ZNF678: variants seen among roughly 807,000 people sequenced by gnomAD.
ZNF678 encodes hypothetical protein MGC42493.
Under a neutral mutation model 3.0 loss-of-function variants are expected in ZNF678, and 5 were observed. The ratio of observed to expected loss-of-function variants is 1.69; its 90% CI spans 0.88 to 3.56. ZNF678 has a LOEUF of 3.56. ZNF678 is among the 30% of genes most tolerant of loss of function. The pLI, the probability that ZNF678 is intolerant of heterozygous loss-of-function variation, is 0.00. For missense variants in ZNF678, 593 were observed against 605.0 expected (o/e 0.98, Z 0.21); for synonymous variants, 218 against 199.6 (o/e 1.09, Z -0.78).
chr1:227,649,352 G>A (rs1475233413), intron 2 of ZNF678, among the ~76,000 whole-genome samples: 2 of 152,032 alleles, frequency 1.3e-5, no homozygotes, highest in African/African-American at 4.8e-5. Flanking sequence ...TTCACATTGT[G>A]TGCTGTGTTG....
chr1:227,649,464 C>T (rs1659039801), intron 2 of ZNF678, among the ~76,000 whole-genome samples: 1 of 152,164 alleles, frequency 6.6e-6, no homozygotes, highest in Non-Finnish European at 1.5e-5. Context: ...AATTCTCCTG[C>T]CTCAGCCTCC....
chr1:227,655,524 G>A lies in ZNF678; in HGVS notation c.1274G>A (p.Arg425Lys), dbSNP rs768848927. The A allele has an allele frequency of 6.2e-7, 1 of 1,612,602 alleles. No individual in the cohort carries two copies. Among genetic ancestry groups the A allele is most frequent in the Non-Finnish European group, 8.5e-7 (1 of 1,179,362 alleles). Residue 425 changes from arginine (R) to lysine (K), a missense_variant, in exon 4 of 4, where the codon AGA (arginine) becomes AAA (lysine). Physicochemically the swap from Arg to Lys is conservative, Grantham distance 26. Transcript: ENST00000343776. ...KQCSHLTSHK[R>K]IHTGEKPYKC... ...TGCTCTCACCTAACTAGCCATAAGA[G>A]AATTCATACTGGAGAGAAACCCTAC...
rs1450088545 is a variant in ZNF678 at position 227,650,955 on chromosome 1, G to T, written c.-36-1G>T. 2 of 1,604,510 alleles carry T rather than the reference G, an allele frequency of 1.2e-6. No homozygotes were observed. Among genetic ancestry groups the T allele is most frequent in the Admixed American group, 1.7e-5 (1 of 59,518 alleles). On this transcript the variant is annotated splice_acceptor_variant, in intron 2 of 3. Coordinates refer to ENST00000343776, the MANE Select transcript of ZNF678 (RefSeq NM_001367909.1). LOFTEE classifies it low-confidence loss of function (5UTR_SPLICE). Reference sequence around the variant, plus strand: ...TTTTCTTGCCTAATTGTTCTGTCTAGGACTTCCAGGACTATGTTAAAATAG... The same window carrying T: ...TTTTCTTGCCTAATTGTTCTGTCTATGACTTCCAGGACTATGTTAAAATAG...
At chr1:227,597,186 G>A (rs1657614424) in intron 1 of ZNF678, among the ~76,000 whole-genome samples, 1 of 152,216 alleles carries the variant, frequency 6.6e-6, no homozygotes, top group South Asian at 2.1e-4. Flanking sequence ...GGGCCAAAAT[G>A]GATGGGTTTG....
At chr1:227,595,152 G>A (rs980861443) in intron 1 of ZNF678, among the ~76,000 whole-genome samples, 21 of 119,820 alleles carry the variant, frequency 1.8e-4, no homozygotes, top group South Asian at 2.8e-4. Flanking sequence ...AATAAGGTAC[G>A]CTGTTTTTTT....
intron 1 of ZNF678, among the ~76,000 whole-genome samples, chr1:227,580,250 A>G (rs1355374630): frequency 6.6e-6 from 1 of 151,334 alleles, no homozygotes; most frequent in Non-Finnish European, 1.5e-5. Flanking sequence ...TGTTAAAAGC[A>G]TACCTGTCAT....
intron 1 of ZNF678, among the ~76,000 whole-genome samples, chr1:227,565,017 G>A (rs1656633920): frequency 6.8e-6 from 1 of 146,720 alleles, no homozygotes; most frequent in African/African-American, 2.5e-5. Context: ...ACAGGCGTGA[G>A]CCACCACGCC....
intron 1 of ZNF678, among the ~76,000 whole-genome samples, chr1:227,623,204 A>G (rs1418667078): frequency 2.0e-5 from 3 of 152,244 alleles, no homozygotes; most frequent in Admixed American, 2.0e-4. Flanking sequence ...TCCCAATACC[A>G]AGCATAGTGA....
chr1:227,578,334 C>T (rs374296050), intron 1 of ZNF678, among the ~76,000 whole-genome samples: 1 of 152,184 alleles, frequency 6.6e-6, no homozygotes, highest in Non-Finnish European at 1.5e-5. Context: ...AATACGTTTT[C>T]CAACTTGCTT....
intron 2 of ZNF678, among the ~76,000 whole-genome samples, chr1:227,649,699 G>C (rs1659045534): frequency 6.6e-6 from 1 of 152,098 alleles, no homozygotes; most frequent in African/African-American, 2.4e-5. Context: ...TAATGTATAT[G>C]TATTAGTCAT....
intron 1 of ZNF678, among the ~76,000 whole-genome samples, chr1:227,632,529 G>A (rs539487357): frequency 3.3e-5 from 5 of 152,070 alleles, no homozygotes; most frequent in South Asian, 2.1e-4. Context: ...GCCTCTAGTC[G>A]GCCCTCGGCT....
At chr1:227,582,792 G>C (rs775931449) in intron 1 of ZNF678, among the ~76,000 whole-genome samples, 1 of 152,120 alleles carries the variant, frequency 6.6e-6, no homozygotes, top group Non-Finnish European at 1.5e-5. Flanking sequence ...TTCTGTGTGT[G>C]TGTGTGAATG....
chr1:227,635,515 T>TTTGTGTGTGTG (rs1553270312), intron 1 of ZNF678, among the ~76,000 whole-genome samples: 3 of 127,936 alleles, frequency 2.3e-5, no homozygotes, highest in Non-Finnish European at 4.9e-5. Context: ...GGGTGAACAT[T>TTTGTGTGTGTG]TGTGTGTGTG....
intron 1 of ZNF678, among the ~76,000 whole-genome samples, chr1:227,637,845 G>A (rs1049954926): frequency 9.9e-5 from 15 of 152,132 alleles, no homozygotes; most frequent in African/African-American, 3.4e-4. Flanking sequence ...AGGGATGTGC[G>A]GTCAGTTGTG....
chr1:227,675,976 A>G (rs760599313), intron 5 of ZNF678, among the ~76,000 whole-genome samples: 3 of 152,204 alleles, frequency 2.0e-5, no homozygotes, highest in Non-Finnish European at 4.4e-5. Context: ...TTAGGTCAAG[A>G]TAAAATCCCA....
At chr1:227,575,707 C>A (rs188961767) in intron 1 of ZNF678, among the ~76,000 whole-genome samples, 4 of 152,088 alleles carry the variant, frequency 2.6e-5, no homozygotes, top group Non-Finnish European at 5.9e-5. Context: ...AGTTTGACTT[C>A]CTGTCTTCCT....
At chr1:227,604,477 C>G (rs990697787) in intron 1 of ZNF678, among the ~76,000 whole-genome samples, 1 of 152,194 alleles carries the variant, frequency 6.6e-6, no homozygotes, top group Non-Finnish European at 1.5e-5. Context: ...CCTCCACCTC[C>G]CAATCTCAAA....
intron 1 of ZNF678, among the ~76,000 whole-genome samples, chr1:227,597,448 A>G (rs1302143975): frequency 6.6e-6 from 1 of 152,240 alleles, no homozygotes; most frequent in Non-Finnish European, 1.5e-5. Flanking sequence ...CCTATTCCCA[A>G]CATAAAACTT....
At chr1:227,600,601 G>A (rs1246615657) in intron 1 of ZNF678, among the ~76,000 whole-genome samples, 1 of 152,176 alleles carries the variant, frequency 6.6e-6, no homozygotes, top group East Asian at 1.9e-4. Flanking sequence ...TTTGAAAAGT[G>A]TTCTTGTCCT....
Sources: gnomAD v4.1 joint callset for allele counts (sites outside exome capture counted in the v4.1 genomes callset) on GRCh38, gnomAD v4.1.1 for gene constraint, MANE v1.5 for transcripts, NCBI Gene and HGNC (gene_info 2026-07-23, HGNC 2026-07-21) for gene names.